Variants in NAALADL2 observed in about 807,000 individuals in gnomAD.
NAALADL2 encodes N-acetylated alpha-linked acidic dipeptidase like 2.
In NAALADL2, 76 loss-of-function variants were observed where a neutral mutation model predicts 87.2. The ratio of observed to expected loss-of-function variants is 0.87; its 90% CI spans 0.72 to 1.05. The LOEUF is 1.05. Among genes scored for constraint, NAALADL2 ranks in the 50% least tolerant of loss-of-function variants. NAALADL2 has a pLI of 0.00. For missense variants in NAALADL2, 1,089 were observed against 945.8 expected (o/e 1.15, Z -1.99); for synonymous variants, 354 against 331.0 (o/e 1.07, Z -0.75).
intron 1 of NAALADL2, among the ~76,000 whole-genome samples, chr3:174,980,536 CA>C (rs1744973310): frequency 6.6e-6 from 1 of 151,970 alleles, no homozygotes; most frequent in African/African-American, 2.4e-5. Context: ...AATAGTAACC[CA>C]AAGCATTCAG....
At chr3:175,191,728 G>A (rs1414022126) in intron 2 of NAALADL2, among the ~76,000 whole-genome samples, 3 of 152,116 alleles carry the variant, frequency 2.0e-5, no homozygotes, top group African/African-American at 7.2e-5. Context: ...CATAGTTTTG[G>A]GGAGATAATG....
chr3:174,646,054 T>A (rs1188715383), intron 2 of NAALADL2, among the ~76,000 whole-genome samples: 1 of 152,194 alleles, frequency 6.6e-6, no homozygotes, highest in East Asian at 1.9e-4. Flanking sequence ...TATTTCTTAA[T>A]GAGAAAGTTA....
chr3:175,086,841 G>C (rs1288515919), intron 1 of NAALADL2, among the ~76,000 whole-genome samples: 1 of 152,086 alleles, frequency 6.6e-6, no homozygotes, highest in Non-Finnish European at 1.5e-5. Context: ...CTGTCATACA[G>C]ATATAGCTTA....
At chr3:175,471,005 G>T (rs1349033047) in intron 8 of NAALADL2, among the ~76,000 whole-genome samples, 1 of 152,056 alleles carries the variant, frequency 6.6e-6, no homozygotes, top group Non-Finnish European at 1.5e-5. Flanking sequence ...AAATTAAGTT[G>T]CATTCATATT....
intron 1 of NAALADL2, among the ~76,000 whole-genome samples, chr3:174,931,831 C>T (rs183395950): frequency 1.2e-3 from 176 of 152,230 alleles, no homozygotes; most frequent in African/African-American, 4.0e-3. Context: ...GGAATTGAGA[C>T]CTAAACAAAT....
At chr3:174,660,423 G>T (rs73882478) in intron 2 of NAALADL2, among the ~76,000 whole-genome samples, 2,330 of 152,152 alleles carry the variant, frequency 0.015, 62 homozygotes, top group African/African-American at 0.054. Flanking sequence ...ATTTGCACAG[G>T]TTATTCATTA....
intron 2 of NAALADL2, among the ~76,000 whole-genome samples, chr3:174,598,936 T>C (rs1221105199): frequency 1.3e-5 from 2 of 152,094 alleles, no homozygotes; most frequent in Non-Finnish European, 2.9e-5. Flanking sequence ...AAGCATGTTG[T>C]CTCTCTGTGG....
chr3:174,449,495 G>A (rs929622549), intron 1 of NAALADL2, among the ~76,000 whole-genome samples: 1 of 152,118 alleles, frequency 6.6e-6, no homozygotes, highest in East Asian at 1.9e-4. Context: ...TAGTGTCTGA[G>A]AAATCCTTCT....
At position 175,576,067 on chromosome 3, in the gene NAALADL2, A is replaced by G. The variant is rs769217600; in HGVS notation, c.1680A>G (p.Arg560=). Residue 560 remains arginine (R), a synonymous_variant, in exon 10 of 14, where the codon AGA becomes AGG. Transcript: ENST00000454872. The part of the protein sequence containing the change: ...VEKNNFNCTR[R]AQCPETNISS... Reference sequence around the variant, plus strand: ...AAAATAATTTCAACTGTACCAGAAGAGCCCAGTGCCCAGAAACCAATATCA... The same window carrying G: ...AAAATAATTTCAACTGTACCAGAAGGGCCCAGTGCCCAGAAACCAATATCA... 2 of 1,612,092 alleles carry G rather than the reference A, an allele frequency of 1.2e-6. No individual in the cohort carries two copies. The highest frequency in any genetic ancestry group is 1.7e-6 in the Non-Finnish European group (2 of 1,179,178).
rs1228121224 is a variant in NAALADL2 at position 175,592,515 on chromosome 3, T to TAA, written c.1800+16329_1800+16330dup. ...GTCATCCTATAAAGTACTTGGAGACTAACTTAAAAAGCTGTTTTATACACC... is the reference window on the plus strand; with the variant it reads ...GTCATCCTATAAAGTACTTGGAGACTAAAACTTAAAAAGCTGTTTTATACACC... On this transcript the variant is annotated intron_variant, in intron 10 of 13. Transcript: ENST00000454872. Among the ~76,000 whole-genome samples, 3 of 152,212 alleles carry TAA rather than the reference T, an allele frequency of 2.0e-5. No individual in the cohort carries two copies. The East Asian group carries it at 5.8e-4, about 29-fold the overall frequency.
At chr3:175,072,320 A>C (rs1056081554) in intron 1 of NAALADL2, among the ~76,000 whole-genome samples, 8 of 152,114 alleles carry the variant, frequency 5.3e-5, no homozygotes, top group Non-Finnish European at 1.0e-4. Flanking sequence ...ACCACTTTCA[A>C]AAGGTTTTAT....
intron 2 of NAALADL2, among the ~76,000 whole-genome samples, chr3:175,166,950 A>C (rs1477567312): frequency 6.6e-6 from 1 of 151,956 alleles, no homozygotes; most frequent in South Asian, 2.1e-4. Context: ...CAATCATTCA[A>C]TTCTTTGGTT....
At chr3:175,480,841 A>G (rs562116630) in intron 9 of NAALADL2, among the ~76,000 whole-genome samples, 1 of 151,930 alleles carries the variant, frequency 6.6e-6, no homozygotes, top group Admixed American at 6.6e-5. Context: ...AATTTAAATA[A>G]AAGAACTATG....
chr3:175,703,279 G>A (rs1446191161), intron 11 of NAALADL2, among the ~76,000 whole-genome samples: 9 of 152,156 alleles, frequency 5.9e-5, no homozygotes, highest in Non-Finnish European at 1.2e-4. Flanking sequence ...GGAACAAGCA[G>A]AGTAATTATA....
chr3:174,743,336 A>G (rs1252738506), intron 3 of NAALADL2, among the ~76,000 whole-genome samples: 1 of 151,824 alleles, frequency 6.6e-6, no homozygotes, highest in Non-Finnish European at 1.5e-5. Flanking sequence ...CACGTTTTAT[A>G]CCATTGTAAG....
intron 2 of NAALADL2, among the ~76,000 whole-genome samples, chr3:175,154,237 C>T (rs1424936756): frequency 6.6e-6 from 1 of 152,060 alleles, no homozygotes; most frequent in Non-Finnish European, 1.5e-5. Context: ...GAAAAAAATT[C>T]CATGAAAACC....
chr3:174,493,028 T>C (rs796279253), intron 1 of NAALADL2, among the ~76,000 whole-genome samples: 17 of 152,304 alleles, frequency 1.1e-4, no homozygotes, highest in African/African-American at 3.6e-4. Context: ...TACAGTGTTT[T>C]ATAGGTAATA....
chr3:175,098,377 A>G (rs1721515779), intron 2 of NAALADL2, among the ~76,000 whole-genome samples: 1 of 152,184 alleles, frequency 6.6e-6, no homozygotes. Context: ...TCCATCAGTG[A>G]TCAGGAACTG....
intron 4 of NAALADL2, among the ~76,000 whole-genome samples, chr3:175,312,037 T>C (rs1758438765): frequency 6.6e-6 from 1 of 152,088 alleles, no homozygotes; most frequent in Admixed American, 6.6e-5. Context: ...TTTTTAAAAC[T>C]AACAAAGAAA....
Sources: allele counts gnomAD v4.1 joint callset (sites outside exome capture counted in the v4.1 genomes callset), GRCh38; gene constraint gnomAD v4.1.1; transcripts MANE v1.5; gene names NCBI Gene and HGNC (gene_info 2026-07-23, HGNC 2026-07-21).